Variants in ABCA13 observed in about 807,000 individuals in gnomAD.
The protein encoded by ABCA13 is ATP-binding cassette sub-family A member 13.
In ABCA13, 476 loss-of-function variants were observed where a neutral mutation model predicts 478.7. The observed-to-expected ratio is 0.99, with a 90% CI of 0.92 to 1.07. ABCA13 has a LOEUF of 1.07. Ranked by LOEUF, ABCA13 falls within the 50% of genes least tolerant of loss-of-function variation. The probability of loss-of-function intolerance (pLI) is 0.00; values close to 1 mark genes in which losing one functional copy is unlikely to be tolerated. For synonymous variants in ABCA13, 2,252 were observed against 2,158.9 expected (o/e 1.04, Z -1.20); for missense variants, 6,060 against 5,910.6 (o/e 1.03, Z -0.83).
chr7:48,240,075 C>T (rs2129012012), intron 9 of ABCA13, among the ~76,000 whole-genome samples: 1 of 152,320 alleles, frequency 6.6e-6, no homozygotes, highest in African/African-American at 2.4e-5. Context: ...GTCTCTGTCT[C>T]ATGTTTTTCC....
intron 59 of ABCA13, among the ~76,000 whole-genome samples, chr7:48,621,264 T>C (rs1793103281): frequency 6.6e-6 from 1 of 152,252 alleles, no homozygotes. Flanking sequence ...TTCTTTGGCA[T>C]AAGTTTGCAT....
At chr7:48,372,809 A>G (rs963121735) in intron 33 of ABCA13, among the ~76,000 whole-genome samples, 1 of 152,216 alleles carries the variant, frequency 6.6e-6, no homozygotes, top group African/African-American at 2.4e-5. Context: ...GAAAAAAGCT[A>G]GATTTCTAAA....
At chr7:48,470,457 AT>A (rs1167126258) in intron 44 of ABCA13, among the ~76,000 whole-genome samples, 2 of 152,114 alleles carry the variant, frequency 1.3e-5, no homozygotes, top group African/African-American at 2.4e-5. Flanking sequence ...TATAAATGGA[AT>A]TTTTTTTAAA....
intron 23 of ABCA13, among the ~76,000 whole-genome samples, chr7:48,303,472 T>C (rs919304348): frequency 7.9e-5 from 12 of 152,218 alleles, no homozygotes. Flanking sequence ...GTTTTGGGTT[T>C]TACATTTAAA....
intron 32 of ABCA13, among the ~76,000 whole-genome samples, chr7:48,369,341 T>G (rs1459840894): frequency 6.6e-6 from 1 of 152,188 alleles, no homozygotes; most frequent in Non-Finnish European, 1.5e-5. Context: ...CTGTGGGTTG[T>G]CCATTTACTC....
chr7:48,461,202 C>A (rs1214781123), intron 43 of ABCA13, among the ~76,000 whole-genome samples: 1 of 152,178 alleles, frequency 6.6e-6, no homozygotes, highest in East Asian at 1.9e-4. Flanking sequence ...AGCACACTCA[C>A]CAGCAGGCTC....
chr7:48,624,528 T>C lies in ABCA13; in HGVS notation c.14837+9151T>C, dbSNP rs201996807. Among the ~76,000 whole-genome samples, 58 of 92,278 alleles carry C rather than the reference T, an allele frequency of 6.3e-4. No individual in the cohort carries two copies. In the East Asian group the frequency reaches 0.014, roughly 22 times the overall value. The allele number at this position is 92,278 out of a possible 152,430, so 60.5% of individuals were successfully genotyped here. A position where few individuals can be genotyped will look rare whatever the true frequency, so the allele number is the denominator to read the frequency against. On this transcript the variant is annotated intron_variant, in intron 59 of 61. Coordinates refer to ENST00000435803, the MANE Select transcript of ABCA13 (RefSeq NM_152701.5). ...GGGAGGATAAAGGCTGTGTATTTTG[T>C]TGTCGTTGTTGTTGTTTTCTTTTTT...
chr7:48,452,751 A>G (rs1349948923), intron 42 of ABCA13, among the ~76,000 whole-genome samples: 2 of 152,210 alleles, frequency 1.3e-5, no homozygotes, highest in African/African-American at 4.8e-5. Context: ...AAGCCTGAAC[A>G]AAGTATGGCA....
intron 55 of ABCA13, among the ~76,000 whole-genome samples, chr7:48,573,637 G>A (rs1423692683): frequency 6.6e-6 from 1 of 152,158 alleles, no homozygotes; most frequent in Admixed American, 6.5e-5. Flanking sequence ...GGGAGGCTGA[G>A]GTGGGAGGAT....
At chr7:48,357,802 G>A (rs1165749891) in intron 31 of ABCA13, among the ~76,000 whole-genome samples, 1 of 151,846 alleles carries the variant, frequency 6.6e-6, no homozygotes, top group Non-Finnish European at 1.5e-5. Context: ...CTTTGTGCAG[G>A]ATGCTTGGTC....
At chr7:48,372,044 G>A (rs1812709161) in intron 32 of ABCA13, 124 bp from the exon 33 acceptor site, 3 of 952,278 alleles carry the variant, frequency 3.2e-6, no homozygotes, top group Non-Finnish European at 4.6e-6. Flanking sequence ...CCCTTCACAG[G>A]GCTGAATTTG....
intron 15 of ABCA13, among the ~76,000 whole-genome samples, chr7:48,265,107 TC>T (rs768132896): frequency 3.7e-4 from 56 of 151,714 alleles, no homozygotes; most frequent in Admixed American, 1.3e-4. Flanking sequence ...AATAAGTGGG[TC>T]TTCTTCTGAA....
chr7:48,538,918 A>G (rs1246116148), intron 55 of ABCA13, among the ~76,000 whole-genome samples: 6 of 152,210 alleles, frequency 3.9e-5, no homozygotes, highest in Admixed American at 2.0e-4. Flanking sequence ...ACTGTTGGAC[A>G]TGGTGAGTTG....
intron 43 of ABCA13, among the ~76,000 whole-genome samples, chr7:48,459,817 ATGGAGCATAGAAAGAC>A (rs1242955190): frequency 6.6e-6 from 1 of 152,238 alleles, no homozygotes. Context: ...AGACAAACAA[ATGGAGCATAGAAAGAC>A]AGCTCTCTAC....
chr7:48,330,477 ATCCATCCG>A (rs1356478120), intron 27 of ABCA13, among the ~76,000 whole-genome samples: 10 of 128,404 alleles, frequency 7.8e-5, no homozygotes, highest in African/African-American at 2.4e-4. Context: ...CTGTTTGTCC[ATCCATCCG>A]TCCATCCATC....
chr7:48,641,306 A>G (rs1282534416), intron 59 of ABCA13, among the ~76,000 whole-genome samples: 1 of 152,132 alleles, frequency 6.6e-6, no homozygotes, highest in Non-Finnish European at 1.5e-5. Flanking sequence ...GAATTGTTTT[A>G]TCTGCTTTTA....
At chr7:48,203,169 A>G (rs2094828214) in intron 3 of ABCA13, among the ~76,000 whole-genome samples, 1 of 152,132 alleles carries the variant, frequency 6.6e-6, no homozygotes, top group Admixed American at 6.5e-5. Flanking sequence ...TAAGTCCCTC[A>G]TTGCCTGGGG....
intron 29 of ABCA13, among the ~76,000 whole-genome samples, chr7:48,340,403 G>C (rs944056612): frequency 5.3e-5 from 8 of 152,180 alleles, no homozygotes; most frequent in Non-Finnish European, 1.0e-4. Flanking sequence ...ACTGCGCCTG[G>C]CCTCATTATA....
intron 23 of ABCA13, 113 bp downstream of exon 23, chr7:48,298,600 G>GCAGCAACCCACTACAC: frequency 2.4e-6 from 3 of 1,266,890 alleles, no homozygotes; most frequent in Non-Finnish European, 2.1e-6. Context: ...TTTGGCTAGT[G>GCAGCAACCCACTACAC]TAGTGGGTTG....
Sources: gnomAD v4.1 joint callset for allele counts (sites outside exome capture counted in the v4.1 genomes callset) on GRCh38, gnomAD v4.1.1 for gene constraint, MANE v1.5 for transcripts, NCBI Gene and HGNC (gene_info 2026-07-23, HGNC 2026-07-21) for gene names.